Variants in ICA1 observed in about 807,000 individuals in gnomAD.
The protein encoded by ICA1 is 69 kDa islet cell autoantigen.
A neutral mutation model predicts 71.0 loss-of-function variants in ICA1; 40 were observed. The observed-to-expected ratio is 0.56, with a 90% confidence interval of 0.44 to 0.73. The LOEUF is 0.73. ICA1 is among the 30% of genes least tolerant of loss of function. ICA1 has a pLI of 0.00. For missense variants in ICA1, 578 were observed against 576.5 expected (o/e 1.00, Z -0.03); for synonymous variants, 207 against 209.5 (o/e 0.99, Z 0.10).
In ICA1 at chr7:8,122,609, C is replaced by T. The variant is rs542269655; in HGVS notation, c.1330+5264G>A. Among the ~76,000 whole-genome samples the T allele has an allele frequency of 6.6e-4, 100 of 152,360 alleles. 1 individual carries two copies. The highest frequency in any genetic ancestry group is 2.3e-3 in the African/African-American group (94 of 41,594). On this transcript the variant is annotated intron_variant, in intron 13 of 13. Transcript: ENST00000402384. The stretch of plus-strand genomic sequence containing the variant: ...ACACCCCGTGGTCTTTTCCCTCACA[C>T]GATTCTGAGGACTGGGAATGTCCAT...
At chr7:8,169,927 T>TGTGTGTGTG (rs1562810946) in intron 6 of ICA1, among the ~76,000 whole-genome samples, 1 of 151,408 alleles carries the variant, frequency 6.6e-6, no homozygotes, top group African/African-American at 2.4e-5. Flanking sequence ...TGTGTGTGTG[T>TGTGTGTGTG]TTTAATGCCT....
intron 8 of ICA1, among the ~76,000 whole-genome samples, chr7:8,152,479 C>G (rs1341791140): frequency 6.6e-6 from 1 of 151,774 alleles, no homozygotes; most frequent in Non-Finnish European, 1.5e-5. Flanking sequence ...CAACAACCAC[C>G]ACAACCATTA....
chr7:8,235,050 G>A (rs896780707), intron 2 of ICA1, among the ~76,000 whole-genome samples: 16 of 152,088 alleles, frequency 1.1e-4, no homozygotes, highest in Non-Finnish European at 1.6e-4. Flanking sequence ...TGTAATCCCA[G>A]CTACTCGGGA....
At chr7:8,152,886 A>ACTATCACCATCACCATCACCT (rs1192629099) in intron 8 of ICA1, among the ~76,000 whole-genome samples, 1 of 18,158 alleles carries the variant, frequency 5.5e-5, no homozygotes. Flanking sequence ...CACCTCCACC[A>ACTATCACCATCACCATCACCT]CCACTACCAC....
At chr7:8,259,693 G>A (rs557008955) in intron 1 of ICA1, among the ~76,000 whole-genome samples, 1 of 152,224 alleles carries the variant, frequency 6.6e-6, no homozygotes, top group South Asian at 2.1e-4. Context: ...CTTGGTCAAG[G>A]TCACACGGCT....
At chr7:8,139,313 G>A (rs1794442302) in intron 10 of ICA1, among the ~76,000 whole-genome samples, 1 of 152,200 alleles carries the variant, frequency 6.6e-6, no homozygotes, top group Admixed American at 6.5e-5. Context: ...CCATGGACAA[G>A]TGTGTGACTT....
intron 6 of ICA1, among the ~76,000 whole-genome samples, chr7:8,178,471 T>C (rs78273129): frequency 2.7e-4 from 41 of 152,292 alleles, no homozygotes; most frequent in Non-Finnish European, 5.4e-4. Context: ...GCTAGTCAAA[T>C]AATTTTTAAC....
chr7:8,256,027 G>T (rs1320632400), intron 1 of ICA1, among the ~76,000 whole-genome samples: 1 of 151,470 alleles, frequency 6.6e-6, no homozygotes, highest in East Asian at 1.9e-4. Flanking sequence ...CTCTTGCCCT[G>T]GTCTCCCAAA....
chr7:8,143,813 G>C (rs375430529), intron 9 of ICA1, 62 bp downstream of exon 9: 1 of 1,089,948 alleles, frequency 9.2e-7, no homozygotes, highest in African/African-American at 1.6e-5. Context: ...TTCGGTCAGC[G>C]AGAACCACAT....
chr7:8,160,921 C>T (rs900181152), intron 6 of ICA1, among the ~76,000 whole-genome samples: 46 of 152,176 alleles, frequency 3.0e-4, no homozygotes, highest in Admixed American at 2.5e-3. Flanking sequence ...AACCTAATTT[C>T]TGGAGGGGAG....
Position 8,141,254 on chromosome 7 carries a change from G to A in ICA1, c.955+511C>T, listed in dbSNP as rs187223743. ...TCTGACCCCTTCTCCTAACACATCAGGTTCAGTTCACCTGAGGGATCAGGG... is the reference window on the plus strand; with the variant it reads ...TCTGACCCCTTCTCCTAACACATCAAGTTCAGTTCACCTGAGGGATCAGGG... On this transcript the variant is annotated intron_variant, in intron 10 of 13. Transcript: ENST00000402384. Among the ~76,000 whole-genome samples, 306 of 152,290 alleles carry A rather than the reference G, an allele frequency of 2.0e-3. 1 individual carries two copies. The highest frequency in any genetic ancestry group is 6.8e-3 in the Middle Eastern group (2 of 294).
chr7:8,117,295 G>A (rs184389088), intron 13 of ICA1, among the ~76,000 whole-genome samples: 1 of 152,058 alleles, frequency 6.6e-6, no homozygotes, highest in South Asian at 2.1e-4. Flanking sequence ...CCTAATACAC[G>A]TTGTATAACC....
At chr7:8,217,934 C>T (rs988279497) in intron 6 of ICA1, among the ~76,000 whole-genome samples, 3 of 152,102 alleles carry the variant, frequency 2.0e-5, no homozygotes, top group Admixed American at 6.5e-5. Flanking sequence ...TATGCATTAG[C>T]GATTTTAAAA....
intron 1 of ICA1, among the ~76,000 whole-genome samples, chr7:8,245,288 C>T (rs919398933): frequency 5.3e-5 from 8 of 151,786 alleles, no homozygotes; most frequent in Non-Finnish European, 2.9e-5. Flanking sequence ...GAAACCATCA[C>T]TCTGAGCAAA....
At chr7:8,172,733 A>G (rs563153329) in intron 6 of ICA1, among the ~76,000 whole-genome samples, 3 of 152,262 alleles carry the variant, frequency 2.0e-5, no homozygotes, top group African/African-American at 7.2e-5. Flanking sequence ...TTAATTTAGT[A>G]CATTCAATTT....
At chr7:8,135,014 ACT>A (rs1792892807) in intron 12 of ICA1, among the ~76,000 whole-genome samples, 1 of 126,716 alleles carries the variant, frequency 7.9e-6, no homozygotes, top group Admixed American at 8.9e-5. Flanking sequence ...ATATTTATAG[ACT>A]CTTTATAGAA....
Position 8,163,912 on chromosome 7 carries a change from CTG to C in ICA1, c.580-5262_580-5261del, listed in dbSNP as rs762616042. On this transcript the variant is annotated intron_variant, in intron 6 of 13. Coordinates refer to ENST00000402384, the MANE Select transcript of ICA1 (RefSeq NM_001136020.3). ...TTTATCCTGGAATAGCAGAAAAACACTGGAGGCTTTTAAGCAAGGAAGAGAGA... is the reference window on the plus strand; with the variant it reads ...TTTATCCTGGAATAGCAGAAAAACACGAGGCTTTTAAGCAAGGAAGAGAGA... Among the ~76,000 whole-genome samples the C allele has an allele frequency of 5.3e-5, 8 of 152,200 alleles. No homozygotes were observed. In the South Asian group the frequency reaches 6.2e-4, roughly 12 times the overall value.
intron 6 of ICA1, among the ~76,000 whole-genome samples, chr7:8,195,665 C>A (rs992590457): frequency 2.0e-5 from 3 of 152,128 alleles, no homozygotes; most frequent in Non-Finnish European, 4.4e-5. Flanking sequence ...AGCAACAGTG[C>A]TCCTTGGTGT....
At chr7:8,193,795 A>G (rs1186910276) in intron 6 of ICA1, among the ~76,000 whole-genome samples, 2 of 152,222 alleles carry the variant, frequency 1.3e-5, no homozygotes, top group Non-Finnish European at 2.9e-5. Flanking sequence ...GAGTAATAAC[A>G]TATCTAAGCA....
Sources: allele counts gnomAD v4.1 joint callset (sites outside exome capture counted in the v4.1 genomes callset), GRCh38; gene constraint gnomAD v4.1.1; transcripts MANE v1.5; gene names NCBI Gene and HGNC (gene_info 2026-07-23, HGNC 2026-07-21).